FAM3C: variants seen among roughly 807,000 people sequenced by gnomAD.
FAM3C encodes protein FAM3C.
Under a neutral mutation model 32.5 loss-of-function variants are expected in FAM3C, and 15 were observed. The observed-to-expected ratio is 0.46, with a 90% CI of 0.31 to 0.71. FAM3C has a LOEUF of 0.71. FAM3C is among the 30% of genes least tolerant of loss of function. The pLI, the probability that FAM3C is intolerant of heterozygous loss-of-function variation, is 0.05. For missense variants in FAM3C, 175 were observed against 274.4 expected (o/e 0.64, Z 2.56); for synonymous variants, 75 against 86.1 (o/e 0.87, Z 0.72).
Position 121,361,480 on chromosome 7 carries a change from G to C in FAM3C, c.383-1353C>G, listed in dbSNP as rs79464366. Among the ~76,000 whole-genome samples, 343 of 152,298 alleles carry C rather than the reference G, an allele frequency of 2.3e-3. 1 individual carries two copies. The highest frequency in any genetic ancestry group is 7.9e-3 in the African/African-American group (328 of 41,562). On this transcript the variant is annotated intron_variant, in intron 7 of 9. Transcript: ENST00000359943. ...GGTAATTAATCTACCTGTGACAAGA[G>C]AAGTAAGGAATACCAGAGCTCCTGG... is the stretch of plus-strand genomic sequence containing the variant.
chr7:121,367,840 C>T (rs183262414), intron 5 of FAM3C, among the ~76,000 whole-genome samples: 2 of 152,138 alleles, frequency 1.3e-5, no homozygotes, highest in Admixed American at 1.3e-4. Flanking sequence ...GTGGTATGCG[C>T]CTGTAGTCCC....
chr7:121,361,054 A>C (rs926744936), intron 7 of FAM3C, among the ~76,000 whole-genome samples: 3 of 152,216 alleles, frequency 2.0e-5, no homozygotes, highest in African/African-American at 4.8e-5. Flanking sequence ...GATCACTAAA[A>C]GCCAAACTAA....
intron 8 of FAM3C, among the ~76,000 whole-genome samples, chr7:121,357,346 A>G (rs566370786): frequency 5.0e-4 from 76 of 152,300 alleles, no homozygotes; most frequent in African/African-American, 1.5e-3. Flanking sequence ...GTATAAGTGG[A>G]AGAAAACGAG....
chr7:121,372,410 T>C (rs1794166707), intron 3 of FAM3C, among the ~76,000 whole-genome samples: 2 of 152,340 alleles, frequency 1.3e-5, no homozygotes, highest in East Asian at 3.9e-4. Context: ...TTACTATATA[T>C]TTAAATTTCA....
chr7:121,375,645 G>C (rs532090624), intron 3 of FAM3C, among the ~76,000 whole-genome samples: 2 of 152,282 alleles, frequency 1.3e-5, no homozygotes, highest in East Asian at 3.9e-4. Context: ...CAAAGGGTGA[G>C]GACAGACATG....
At chr7:121,365,167 C>G (rs563397101) in intron 5 of FAM3C, among the ~76,000 whole-genome samples, 19 of 152,236 alleles carry the variant, frequency 1.2e-4, no homozygotes, top group African/African-American at 3.4e-4. Flanking sequence ...TCAGTCGATT[C>G]TCACAGAGTA....
chr7:121,380,123 A>C (rs1297833125), intron 2 of FAM3C: 1 of 152,214 alleles, frequency 6.6e-6, no homozygotes, highest in Non-Finnish European at 1.5e-5. Context: ...CTAAGTAGAT[A>C]AATGGTAACA....
At chr7:121,385,497 G>A (rs555426599) in intron 1 of FAM3C, among the ~76,000 whole-genome samples, 4 of 152,266 alleles carry the variant, frequency 2.6e-5, no homozygotes, top group African/African-American at 7.2e-5. Context: ...TCAGATGGAC[G>A]TACTAAACTT....
In FAM3C at chr7:121,350,448, C is replaced by T; in HGVS notation, c.*13G>A. The T allele has an allele frequency of 4.3e-6, 7 of 1,611,066 alleles. No individual in the cohort carries two copies. The highest frequency in any genetic ancestry group is 5.9e-6 in the Non-Finnish European group (7 of 1,179,098). ...GTGAAAGTGCGCTTTCTTCAATTCT[C>T]TCCACATTTCCATTAGTCTTGCTTC... On this transcript the variant is annotated 3_prime_UTR_variant, in exon 10 of 10. Transcript: ENST00000359943.
At chr7:121,394,279 C>T (rs537220666) in intron 1 of FAM3C, among the ~76,000 whole-genome samples, 9 of 152,308 alleles carry the variant, frequency 5.9e-5, no homozygotes, top group Non-Finnish European at 8.8e-5. Flanking sequence ...CATTCCATAG[C>T]CTCTTAGCCT....
intron 8 of FAM3C, among the ~76,000 whole-genome samples, chr7:121,352,307 G>C (rs1040132718): frequency 6.8e-6 from 1 of 146,378 alleles, no homozygotes; most frequent in African/African-American, 2.6e-5. Flanking sequence ...AAGAAAAAGG[G>C]ATACTCTTAT....
chr7:121,377,233 G>T (rs1428605758), intron 3 of FAM3C, among the ~76,000 whole-genome samples: 1 of 151,836 alleles, frequency 6.6e-6, no homozygotes, highest in Non-Finnish European at 1.5e-5. Flanking sequence ...TGCCATGATT[G>T]TAAGTTTCCT....
intron 1 of FAM3C, among the ~76,000 whole-genome samples, chr7:121,390,820 C>T (rs1292895454): frequency 8.5e-6 from 1 of 117,854 alleles, no homozygotes; most frequent in Admixed American, 1.3e-4. Flanking sequence ...CTACAGCACA[C>T]CAATCCACAC....
At position 121,349,370 on chromosome 7, in the gene FAM3C, G is replaced by T. The variant is rs566240478; in HGVS notation, c.*1091C>A. The T allele has an allele frequency of 1.3e-5, 2 of 151,936 alleles. No individual in the cohort carries two copies. Among genetic ancestry groups the T allele is most frequent in the Admixed American group, 1.3e-4 (2 of 15,252 alleles). 9.4% of individuals were successfully genotyped at this position (151,936 alleles called of 1,614,324 possible). On this transcript the variant is annotated 3_prime_UTR_variant, in exon 10 of 10. Coordinates refer to ENST00000359943, the MANE Select transcript of FAM3C (RefSeq NM_014888.3). Reference sequence around the variant, plus strand: ...TGAGTTATTTAGTGAACATCTGAAGGTAACAAAAAAAGATAGATCTTCTAT... The same window carrying T: ...TGAGTTATTTAGTGAACATCTGAAGTTAACAAAAAAAGATAGATCTTCTAT...
chr7:121,364,212 A>C (rs758846695), intron 5 of FAM3C, 24 bp from the exon 6 acceptor site: 3 of 1,436,048 alleles, frequency 2.1e-6, no homozygotes, highest in Non-Finnish European at 2.9e-6. Context: ...AATTGAAATA[A>C]ATTTAGAATT....
At chr7:121,392,597 T>C (rs1794600027) in intron 1 of FAM3C, among the ~76,000 whole-genome samples, 1 of 152,196 alleles carries the variant, frequency 6.6e-6, no homozygotes, top group African/African-American at 2.4e-5. Context: ...AAATCCATTT[T>C]TGTTGACCTT....
chr7:121,353,433 T>C (rs1472977156), intron 8 of FAM3C, among the ~76,000 whole-genome samples: 2 of 152,184 alleles, frequency 1.3e-5, no homozygotes, highest in African/African-American at 4.8e-5. Flanking sequence ...CATTAGAAGA[T>C]ACTGAGATCC....
At chr7:121,366,865 C>T (rs754545537) in intron 5 of FAM3C, among the ~76,000 whole-genome samples, 8 of 152,132 alleles carry the variant, frequency 5.3e-5, no homozygotes, top group Non-Finnish European at 1.2e-4. Flanking sequence ...AAGTAAACTC[C>T]ATCATTAAGA....
At chr7:121,358,029 T>G (rs1793846306) in intron 8 of FAM3C, among the ~76,000 whole-genome samples, 1 of 138,776 alleles carries the variant, frequency 7.2e-6, no homozygotes, top group Admixed American at 6.8e-5. Flanking sequence ...CAAAAGCAAA[T>G]AGCAAGTTAC....
Sources: gnomAD v4.1 joint callset for allele counts (sites outside exome capture counted in the v4.1 genomes callset) on GRCh38, gnomAD v4.1.1 for gene constraint, MANE v1.5 for transcripts, NCBI Gene and HGNC (gene_info 2026-07-23, HGNC 2026-07-21) for gene names.